The following TIAM1 variants were observed in gnomAD, a reference collection of about 807,000 sequenced individuals.
TIAM1 encodes the protein rho guanine nucleotide exchange factor TIAM1.
A neutral mutation model predicts 163.5 loss-of-function variants in TIAM1; 65 were observed. The ratio of observed to expected loss-of-function variants is 0.40; its 90% CI spans 0.33 to 0.49. The LOEUF (loss-of-function observed/expected upper bound fraction) is 0.49, where lower values mean the gene tolerates loss of function less well. TIAM1 is among the 20% of genes least tolerant of loss of function. The pLI is 0.77. For missense variants in TIAM1, 1,789 were observed against 2,044.7 expected, an observed-to-expected ratio of 0.87 and a Z score of 2.41; for synonymous variants, 833 against 810.1, an observed-to-expected ratio of 1.03 and a Z score of -0.48.
chr21:31,273,325 G>A (rs1312665080), intron 3 of TIAM1, among the ~76,000 whole-genome samples: 2 of 151,982 alleles, frequency 1.3e-5, no homozygotes, highest in African/African-American at 4.8e-5. Context: ...AAAGAGAACT[G>A]GAAAAGAACA....
chr21:31,273,947 G>T (rs534922232), intron 3 of TIAM1, among the ~76,000 whole-genome samples: 22 of 152,324 alleles, frequency 1.4e-4, no homozygotes, highest in African/African-American at 5.3e-4. Flanking sequence ...TGCTGGGCAT[G>T]GTGGCTCATG....
upstream of TIAM1, among the ~76,000 whole-genome samples, chr21:31,345,885 G>A (rs1047011504): frequency 2.6e-5 from 4 of 152,172 alleles, no homozygotes; most frequent in African/African-American, 7.2e-5. Flanking sequence ...GGGAGGTGGA[G>A]GTTGCAGTGA....
At chr21:31,123,099 G>C (rs2082061134) in intron 27 of TIAM1, among the ~76,000 whole-genome samples, 1 of 152,204 alleles carries the variant, frequency 6.6e-6, no homozygotes, top group Non-Finnish European at 1.5e-5. Context: ...ACGGACGATG[G>C]TGTTAAATTG....
chr21:31,246,956 T>C (rs1017934350), intron 5 of TIAM1, among the ~76,000 whole-genome samples: 45 of 152,230 alleles, frequency 3.0e-4, no homozygotes, highest in African/African-American at 1.1e-3. Context: ...GTCTCAATTA[T>C]TCCTTCTACC....
chr21:31,546,700 T>A (rs539912562), intron 1 of TIAM1, among the ~76,000 whole-genome samples: 8 of 152,096 alleles, frequency 5.3e-5, no homozygotes, highest in African/African-American at 1.7e-4. Context: ...AAGGAAAAAA[T>A]TCAAGGATAT....
intron 1 of TIAM1, among the ~76,000 whole-genome samples, chr21:31,480,036 G>A (rs575956247): frequency 3.1e-4 from 47 of 152,332 alleles, no homozygotes; most frequent in Middle Eastern, 6.8e-3. Context: ...CTGCACAGCA[G>A]CTATGCATTT....
intron 2 of TIAM1, among the ~76,000 whole-genome samples, chr21:31,376,759 G>C (rs34643572): frequency 0.087 from 13,160 of 151,908 alleles, 626 homozygotes; most frequent in Middle Eastern, 0.13. Flanking sequence ...AATGCCTTCT[G>C]TAATATCCTG....
At chr21:31,224,012 G>C (rs938997050) in intron 7 of TIAM1, among the ~76,000 whole-genome samples, 4 of 152,254 alleles carry the variant, frequency 2.6e-5, no homozygotes, top group East Asian at 3.8e-4. Flanking sequence ...CTTTTGGGAA[G>C]AGCGGGGTAG....
intron 2 of TIAM1, chr21:31,452,762 T>A (rs1042750426): frequency 1.6e-5 from 8 of 505,976 alleles, no homozygotes; most frequent in Non-Finnish European, 3.1e-5. Flanking sequence ...AAGTAGAAGA[T>A]GAAGAGGACT....
chr21:31,220,760 CAGA>C (rs1199526674), intron 8 of TIAM1, among the ~76,000 whole-genome samples: 1 of 152,188 alleles, frequency 6.6e-6, no homozygotes, highest in African/African-American at 2.4e-5. Context: ...AAAGGGCTGG[CAGA>C]AGAACTGCTG....
intron 1 of TIAM1, among the ~76,000 whole-genome samples, chr21:31,494,139 C>T (rs528151421): frequency 6.6e-6 from 1 of 152,150 alleles, no homozygotes; most frequent in Non-Finnish European, 1.5e-5. Context: ...GTCTCGAACT[C>T]CTGATCTCAA....
chr21:31,393,918 TTC>T (rs1279158804), intron 2 of TIAM1, among the ~76,000 whole-genome samples: 4 of 152,226 alleles, frequency 2.6e-5, no homozygotes, highest in Non-Finnish European at 5.9e-5. Flanking sequence ...CTTAAAGATT[TTC>T]TTTTTTTAAT....
At chr21:31,506,479 C>T (rs1438162972) in intron 1 of TIAM1, among the ~76,000 whole-genome samples, 1 of 152,172 alleles carries the variant, frequency 6.6e-6, no homozygotes, top group Admixed American at 6.5e-5. Flanking sequence ...AGTCTATACC[C>T]GTCCAACACA....
chr21:31,343,239 G>A lies in TIAM1; in HGVS notation c.-369+899C>T, dbSNP rs546726677. Among the ~76,000 whole-genome samples the A allele has an allele frequency of 5.3e-5, 8 of 152,242 alleles. No individual in the cohort carries two copies. The South Asian group carries it at 1.7e-3, about 32-fold the overall frequency. ...ACAGTTAACCCAATAGCCTCCCTCTGACCCCTACACACTGAGCAAAAGCTA... is the reference window on the plus strand; with the variant it reads ...ACAGTTAACCCAATAGCCTCCCTCTAACCCCTACACACTGAGCAAAAGCTA... On this transcript the variant is annotated intron_variant, in intron 1 of 27. Transcript: ENST00000541036.
At chr21:31,197,385 T>A (rs2085918719) in intron 12 of TIAM1, among the ~76,000 whole-genome samples, 1 of 151,514 alleles carries the variant, frequency 6.6e-6, no homozygotes, top group African/African-American at 2.4e-5. Flanking sequence ...TTTTCTTTTT[T>A]TTTTTTTTGA....
intron 2 of TIAM1, among the ~76,000 whole-genome samples, chr21:31,374,860 T>C (rs1283489740): frequency 2.0e-5 from 3 of 152,244 alleles, no homozygotes; most frequent in South Asian, 4.1e-4. Context: ...CTCTGGGCCA[T>C]TAAATTATTT....
chr21:31,323,113 C>A (rs903128782), intron 2 of TIAM1, among the ~76,000 whole-genome samples: 3 of 151,850 alleles, frequency 2.0e-5, no homozygotes, highest in East Asian at 2.0e-4. Context: ...CATGGTGAAA[C>A]CCTGTCTCTA....
rs1362686786 is a variant in TIAM1, at chr21:31,202,919, T to C, written c.2482A>G (p.Ile828Val). Residue 828 changes from isoleucine to valine, a missense_variant, in exon 12 of 28, where the codon ATC (isoleucine) becomes GTC (valine). Around this residue, in one of 5 missense-constraint regions of TIAM1, gnomAD observed 456 missense variants for 586.6 expected, o/e 0.78. Coordinates refer to ENST00000541036, the MANE Select transcript of TIAM1 (RefSeq NM_001353694.2). ...QLYVPQPEED[I>V]YELLYKEIEI... The stretch of plus-strand genomic sequence containing the variant: ...AGTCATAACATTACCAGCTCATAGA[T>C]GTCTTCCTCGGGCTGTGGAACATAG... 1.9e-6 allele frequency: 3 copies of C among 1,613,932 alleles called. No individual in the cohort carries two copies. The highest frequency in any genetic ancestry group is 2.5e-6 in the Non-Finnish European group (3 of 1,179,908).
At chr21:31,305,315 C>T (rs1457947529) in intron 2 of TIAM1, among the ~76,000 whole-genome samples, 5 of 151,470 alleles carry the variant, frequency 3.3e-5, no homozygotes, top group Admixed American at 1.3e-4. Flanking sequence ...ACCGAATAAG[C>T]GATTGGTTCT....
Sources: allele counts gnomAD v4.1 joint callset (sites outside exome capture counted in the v4.1 genomes callset), GRCh38; gene constraint gnomAD v4.1.1; regional missense constraint gnomAD v4.1.1; transcripts MANE v1.5; gene names NCBI Gene and HGNC (gene_info 2026-07-23, HGNC 2026-07-21).